SANBR: variants seen among roughly 807,000 people sequenced by gnomAD.
SANBR encodes SANT and BTB domain regulator of CSR, also known as SANT and BTB domain regulator of class switch recombination.
Under a neutral mutation model 101.8 loss-of-function variants are expected in SANBR, and 77 were observed. The observed-to-expected ratio is 0.76, with a 90% CI of 0.63 to 0.91. The LOEUF is 0.91. SANBR is among the 40% of genes least tolerant of loss of function. The probability of loss-of-function intolerance (pLI) is 0.00; values close to 1 mark genes in which losing one functional copy is unlikely to be tolerated. For synonymous variants in SANBR, 279 were observed against 274.7 expected (o/e 1.02, Z -0.15); for missense variants, 875 against 853.0 (o/e 1.03, Z -0.32).
chr2:61,073,896 T>C (rs951073845), intron 5 of SANBR, among the ~76,000 whole-genome samples: 3 of 152,158 alleles, frequency 2.0e-5, no homozygotes, highest in African/African-American at 7.2e-5. Flanking sequence ...ATGTGTATTT[T>C]AGGACTATTT....
intron 10 of SANBR, among the ~76,000 whole-genome samples, chr2:61,092,186 C>A (rs1192608634): frequency 2.0e-5 from 3 of 152,184 alleles, no homozygotes; most frequent in Non-Finnish European, 4.4e-5. Flanking sequence ...CATACCTTTT[C>A]CTGTTGTCCA....
intron 20 of SANBR, chr2:61,134,128 T>A (rs368392400): frequency 9.5e-5 from 153 of 1,613,970 alleles, no homozygotes; most frequent in Non-Finnish European, 1.3e-4. Flanking sequence ...ATTATCTGCT[T>A]TTTTACAGAC....
At chr2:61,127,119 G>A (rs1684536612), downstream of SANBR, among the ~76,000 whole-genome samples, 2 of 152,058 alleles carry the variant, frequency 1.3e-5, no homozygotes, top group Admixed American at 6.6e-5. Flanking sequence ...TCTGTATCCC[G>A]TGATAAAATG....
intron 10 of SANBR, chr2:61,090,429 A>C (rs567883665): frequency 1.3e-5 from 2 of 151,718 alleles, no homozygotes; most frequent in African/African-American, 4.8e-5. Context: ...TATTCAAAGT[A>C]TTTTCCTACA....
chr2:61,130,642 G>A (rs1177282), intron 20 of SANBR, among the ~76,000 whole-genome samples: 73,189 of 150,156 alleles, frequency 0.49, 18,954 homozygotes, highest in African/African-American at 0.69. Context: ...TATCAATATA[G>A]TTTTTTTTTT....
intron 6 of SANBR, among the ~76,000 whole-genome samples, chr2:61,080,004 C>A (rs1269336336): frequency 6.6e-6 from 1 of 151,704 alleles, no homozygotes; most frequent in African/African-American, 2.4e-5. Context: ...CAAGACTAGC[C>A]TGGCCAACAT....
intron 11 of SANBR, among the ~76,000 whole-genome samples, chr2:61,097,229 G>T (rs1241456699): frequency 1.3e-5 from 2 of 152,126 alleles, no homozygotes; most frequent in Non-Finnish European, 2.9e-5. Context: ...GAGGTGATTG[G>T]CCAGTTGTAA....
At chr2:61,130,929 C>CAAAAAAAAAAAAAAAA (rs59171411) in intron 20 of SANBR, among the ~76,000 whole-genome samples, 2 of 13,220 alleles carry the variant, frequency 1.5e-4, no homozygotes, top group Non-Finnish European at 2.8e-4. Context: ...GACTCTGTCT[C>CAAAAAAAAAAAAAAAA]AAAAAAAAAA....
intron 8 of SANBR, among the ~76,000 whole-genome samples, chr2:61,084,401 G>A (rs1487716883): frequency 1.3e-5 from 2 of 152,002 alleles, no homozygotes; most frequent in African/African-American, 2.4e-5. Flanking sequence ...TGAACATATC[G>A]TGATAGTGAA....
chr2:61,111,358 A>T (rs1573653704), intron 16 of SANBR, among the ~76,000 whole-genome samples: 1 of 152,212 alleles, frequency 6.6e-6, no homozygotes, highest in Admixed American at 6.5e-5. Context: ...GTGCCACTGC[A>T]CTCCAGCCTG....
chr2:61,085,403 C>T (rs540366475), intron 8 of SANBR, among the ~76,000 whole-genome samples: 3 of 152,190 alleles, frequency 2.0e-5, no homozygotes, highest in African/African-American at 7.2e-5. Context: ...ATCCTTTCCC[C>T]CACTGAATTG....
At chr2:61,074,450 C>G (rs942469946) in intron 5 of SANBR, among the ~76,000 whole-genome samples, 5 of 152,146 alleles carry the variant, frequency 3.3e-5, no homozygotes, top group African/African-American at 1.2e-4. Context: ...ACGCTGTCAC[C>G]CAAGCTGGAG....
chr2:61,119,794 CA>C (rs942505092), intron 20 of SANBR, among the ~76,000 whole-genome samples: 3 of 151,794 alleles, frequency 2.0e-5, no homozygotes, highest in African/African-American at 4.8e-5. Flanking sequence ...CCTATCTCTA[CA>C]AAAAAAAGTA....
intron 4 of SANBR, among the ~76,000 whole-genome samples, chr2:61,073,171 A>G (rs562957059): frequency 6.1e-4 from 93 of 152,296 alleles, no homozygotes; most frequent in African/African-American, 1.7e-3. Context: ...CAGAAAGAGA[A>G]AACTATGCTG....
chr2:61,119,441 A>G (rs1684233335), intron 20 of SANBR, among the ~76,000 whole-genome samples: 1 of 152,238 alleles, frequency 6.6e-6, no homozygotes, highest in South Asian at 2.1e-4. Flanking sequence ...AAGACAAGCC[A>G]TAAACTATGA....
chr2:61,132,675 A>G (rs191914303), intron 20 of SANBR, among the ~76,000 whole-genome samples: 58 of 152,350 alleles, frequency 3.8e-4, no homozygotes, highest in African/African-American at 1.3e-3. Flanking sequence ...AAAGAATTGA[A>G]AACAGGTACT....
At chr2:61,076,370 C>A (rs1681776569) in intron 5 of SANBR, among the ~76,000 whole-genome samples, 1 of 149,042 alleles carries the variant, frequency 6.7e-6, no homozygotes, top group South Asian at 2.1e-4. Flanking sequence ...GTAATCCCAG[C>A]ACTTTGGGAG....
intron 8 of SANBR, among the ~76,000 whole-genome samples, chr2:61,085,098 G>A (rs957364824): frequency 6.6e-6 from 1 of 152,098 alleles, no homozygotes; most frequent in African/African-American, 2.4e-5. Context: ...AAGTGGGATG[G>A]CAAGTAGATA....
At chr2:61,071,847 TTA>T (rs1446072623) in intron 4 of SANBR, 55 bp downstream of exon 4, 3 of 1,079,428 alleles carry the variant, frequency 2.8e-6, no homozygotes, top group Non-Finnish European at 2.7e-6. Context: ...CTGCAGAATA[TTA>T]TATATTCCAA....
Sources: allele counts gnomAD v4.1 joint callset (sites outside exome capture counted in the v4.1 genomes callset), GRCh38; gene constraint gnomAD v4.1.1; transcripts MANE v1.5; gene names NCBI Gene and HGNC (gene_info 2026-07-23, HGNC 2026-07-21).